The following SGCZ variants were observed in gnomAD, a reference collection of about 807,000 sequenced individuals.
SGCZ encodes sarcoglycan zeta.
Under a neutral mutation model 41.3 loss-of-function variants are expected in SGCZ, and 40 were observed. The ratio of observed to expected loss-of-function variants is 0.97; its 90% CI spans 0.75 to 1.26. SGCZ has a LOEUF of 1.26. SGCZ is among the 50% of genes most tolerant of loss of function. The probability of loss-of-function intolerance (pLI) is 0.00; values close to 1 mark genes in which losing one functional copy is unlikely to be tolerated. For synonymous variants in SGCZ, 206 were observed against 137.5 expected, an observed-to-expected ratio of 1.50 and a Z score of -3.49; for missense variants, 552 against 369.8, an observed-to-expected ratio of 1.49 and a Z score of -4.04.
chr8:14,235,695 G>A (rs1049029104), intron 4 of SGCZ, among the ~76,000 whole-genome samples: 1 of 151,948 alleles, frequency 6.6e-6, no homozygotes, highest in Non-Finnish European at 1.5e-5. Flanking sequence ...CTTAATTTAC[G>A]TTTTTTTGAG....
intron 2 of SGCZ, among the ~76,000 whole-genome samples, chr8:14,353,558 C>T (rs894385743): frequency 6.6e-6 from 1 of 152,066 alleles, no homozygotes; most frequent in Non-Finnish European, 1.5e-5. Flanking sequence ...TGGATAGGTA[C>T]TAATGTCCCA....
chr8:14,611,239 T>C (rs192993394), intron 1 of SGCZ, among the ~76,000 whole-genome samples: 1 of 152,328 alleles, frequency 6.6e-6, no homozygotes, highest in African/African-American at 2.4e-5. Flanking sequence ...AATATCTTTA[T>C]ATTTAATCCA....
intron 1 of SGCZ, among the ~76,000 whole-genome samples, chr8:14,734,738 G>T (rs1798974892): frequency 6.6e-6 from 1 of 152,032 alleles, no homozygotes; most frequent in East Asian, 1.9e-4. Flanking sequence ...AACAAGAAAA[G>T]CTGTCTATTA....
At chr8:14,570,021 T>C (rs1804503729) in intron 1 of SGCZ, among the ~76,000 whole-genome samples, 1 of 152,008 alleles carries the variant, frequency 6.6e-6, no homozygotes, top group African/African-American at 2.4e-5. Flanking sequence ...CCATTCCTCA[T>C]TACCTTCATC....
chr8:14,910,147 A>C (rs1016234030), intron 1 of SGCZ, among the ~76,000 whole-genome samples: 2 of 151,908 alleles, frequency 1.3e-5, no homozygotes, highest in Admixed American at 1.3e-4. Context: ...GACCCTATTT[A>C]GTCTTCAAAG....
chr8:15,082,614 G>T (rs959888532), intron 1 of SGCZ, among the ~76,000 whole-genome samples: 10 of 152,014 alleles, frequency 6.6e-5, no homozygotes, highest in Admixed American at 6.6e-4. Context: ...ATATAAAAAC[G>T]TCCAGTGCAG....
intron 1 of SGCZ, among the ~76,000 whole-genome samples, chr8:15,109,685 T>C (rs1030474502): frequency 5.3e-5 from 8 of 152,192 alleles, no homozygotes; most frequent in African/African-American, 1.9e-4. Context: ...ACCCATCATA[T>C]ATTTAAATAC....
intron 1 of SGCZ, among the ~76,000 whole-genome samples, chr8:14,870,921 A>T (rs1169593839): frequency 6.6e-6 from 1 of 152,118 alleles, no homozygotes. Context: ...AAAAGTCAGG[A>T]AACAGGCCGG....
chr8:14,316,048 C>G (rs984003459), intron 3 of SGCZ, among the ~76,000 whole-genome samples: 3 of 151,636 alleles, frequency 2.0e-5, no homozygotes, highest in Admixed American at 6.6e-5. Context: ...GAAAATTAGT[C>G]AAATATTTTG....
At chr8:14,893,885 T>C (rs1563344633) in intron 1 of SGCZ, among the ~76,000 whole-genome samples, 1 of 152,200 alleles carries the variant, frequency 6.6e-6, no homozygotes, top group Non-Finnish European at 1.5e-5. Context: ...GTACTAACTT[T>C]ACTTAGTAAC....
chr8:14,883,109 C>T (rs1354673437), intron 1 of SGCZ, among the ~76,000 whole-genome samples: 1 of 151,676 alleles, frequency 6.6e-6, no homozygotes, highest in East Asian at 1.9e-4. Flanking sequence ...GTCTCTTCTC[C>T]TGTTTTAGAG....
At chr8:14,256,601 T>C (rs1033462141) in intron 3 of SGCZ, among the ~76,000 whole-genome samples, 4 of 152,130 alleles carry the variant, frequency 2.6e-5, no homozygotes, top group Admixed American at 6.6e-5. Context: ...CTTAAGACAA[T>C]GCATTTTGAA....
At chr8:14,118,921 A>T (rs13265807) in intron 5 of SGCZ, among the ~76,000 whole-genome samples, 1 of 152,176 alleles carries the variant, frequency 6.6e-6, no homozygotes, top group Non-Finnish European at 1.5e-5. Context: ...ATTGGTCTAC[A>T]TATCTGTTTT....
chr8:14,402,495 C>G (rs536245197), intron 2 of SGCZ, among the ~76,000 whole-genome samples: 4,679 of 149,136 alleles, frequency 0.031, 270 homozygotes, highest in African/African-American at 0.11. Flanking sequence ...CCAGTTTCAG[C>G]TTTCTACCTA....
intron 1 of SGCZ, among the ~76,000 whole-genome samples, chr8:15,050,087 A>ACATGTGTG (rs1229887209): frequency 6.6e-6 from 1 of 152,182 alleles, no homozygotes; most frequent in Non-Finnish European, 1.5e-5. Flanking sequence ...ATGTAGGCAC[A>ACATGTGTG]CACAGACACA....
intron 2 of SGCZ, among the ~76,000 whole-genome samples, chr8:14,402,355 T>A (rs1226211949): frequency 1.3e-5 from 2 of 151,730 alleles, no homozygotes; most frequent in African/African-American, 2.4e-5. Context: ...AGACATGAAG[T>A]CCTTGCCCAT....
chr8:14,706,372 C>A (rs1209700949), intron 1 of SGCZ, among the ~76,000 whole-genome samples: 3 of 152,104 alleles, frequency 2.0e-5, no homozygotes, highest in Non-Finnish European at 4.4e-5. Context: ...GAAAAGCCAA[C>A]ATTTTCCCAT....
intron 3 of SGCZ, among the ~76,000 whole-genome samples, chr8:14,316,747 G>A (rs1022654742): frequency 1.3e-5 from 2 of 150,314 alleles, no homozygotes; most frequent in African/African-American, 4.9e-5. Flanking sequence ...TTCATTCCAC[G>A]GAAATCTTAT....
chr8:14,862,163 G>C (rs966856865), intron 1 of SGCZ, among the ~76,000 whole-genome samples: 12 of 152,170 alleles, frequency 7.9e-5, no homozygotes, highest in African/African-American at 2.9e-4. Flanking sequence ...AAGTTTTAAA[G>C]AGGTGTTGAT....
Sources: allele counts gnomAD v4.1 joint callset (sites outside exome capture counted in the v4.1 genomes callset), GRCh38; gene constraint gnomAD v4.1.1; transcripts MANE v1.5; gene names NCBI Gene and HGNC (gene_info 2026-07-23, HGNC 2026-07-21).